Variants in APC observed in about 807,000 individuals in gnomAD.
The protein encoded by APC is APC regulator of Wnt signaling pathway, also known as adenomatous polyposis coli protein.
In APC, 72 loss-of-function variants were observed where a neutral mutation model predicts 247.0. The ratio of observed to expected loss-of-function variants is 0.29; its 90% CI spans 0.24 to 0.35. APC has a LOEUF of 0.35. Ranked by LOEUF, APC falls within the 10% of genes least tolerant of loss-of-function variation. The probability of loss-of-function intolerance (pLI) is 1.00; values close to 1 mark genes in which losing one functional copy is unlikely to be tolerated. For synonymous variants in APC, 1,254 were observed against 1,162.5 expected (o/e 1.08, Z -1.60); for missense variants, 3,400 against 3,360.7 (o/e 1.01, Z -0.29).
intron 8 of APC, among the ~76,000 whole-genome samples, chr5:112,802,702 A>T (rs1030524032): frequency 1.3e-5 from 2 of 152,124 alleles, no homozygotes; most frequent in African/African-American, 4.8e-5. Context: ...CGTTTTTATA[A>T]TCATGATGTA....
chr5:112,787,900 G>A (rs1042904297), intron 6 of APC, among the ~76,000 whole-genome samples: 4 of 152,014 alleles, frequency 2.6e-5, no homozygotes, highest in Non-Finnish European at 4.4e-5. Context: ...GTGGAGGCAG[G>A]AATCTAACTT....
At chr5:112,833,180 ATTT>A (rs35482005) in intron 14 of APC, among the ~76,000 whole-genome samples, 18 of 122,166 alleles carry the variant, frequency 1.5e-4, no homozygotes, top group Admixed American at 1.7e-4. Flanking sequence ...TGCCTGGCTA[ATTT>A]TTTTTTTTTT....
At chr5:112,829,106 A>C (rs111268865) in intron 14 of APC, 134 bp downstream of exon 14, 2 of 685,034 alleles carry the variant, frequency 2.9e-6, no homozygotes, top group Non-Finnish European at 2.6e-6. Context: ...TTTCATGTTT[A>C]GCTTTTTTTG....
chr5:112,771,387 C>G (rs6876867), intron 4 of APC, among the ~76,000 whole-genome samples: 23 of 152,108 alleles, frequency 1.5e-4, no homozygotes, highest in African/African-American at 5.6e-4. Flanking sequence ...GAGCCTGCTA[C>G]AAGACTGTCA....
At chr5:112,770,784 A>C (rs1236843815) in intron 4 of APC, among the ~76,000 whole-genome samples, 1 of 152,100 alleles carries the variant, frequency 6.6e-6, no homozygotes, top group African/African-American at 2.4e-5. Context: ...GATTTGTTAA[A>C]TTCACTCAAT....
intron 2 of APC, among the ~76,000 whole-genome samples, chr5:112,756,614 G>A (rs999464576): frequency 1.3e-5 from 2 of 152,134 alleles, no homozygotes; most frequent in African/African-American, 4.8e-5. Context: ...TGTCTGTTTT[G>A]TAGTGTAGAA....
At chr5:112,828,237 C>A (rs1580570979) in intron 13 of APC, among the ~76,000 whole-genome samples, 1 of 151,986 alleles carries the variant, frequency 6.6e-6, no homozygotes, top group African/African-American at 2.4e-5. Flanking sequence ...TTTCACCACA[C>A]CTGGGCTCAA....
At position 112,842,798 on chromosome 5, in the gene APC, A is replaced by T. The variant is rs587780550; in HGVS notation, c.7204A>T (p.Asn2402Tyr). The change falls in exon 16 of 16, where the codon AAT (asparagine) becomes TAT (tyrosine). Residue 2402 changes from asparagine (N) to tyrosine (Y), a missense_variant. Asn to Tyr is a moderately radical substitution (Grantham distance 143). Transcript: ENST00000257430. ...PRSESASKGL[N>Y]QMNNGNGANK... ...AAGTGAGTCTGCCTCCAAAGGACTA[A>T]ATCAGATGAATAATGGTAATGGAGC... 6.2e-7 allele frequency: 1 copy of T among 1,613,704 alleles called. No homozygotes were observed. Among genetic ancestry groups the T allele is most frequent in the South Asian group, 1.1e-5 (1 of 91,066 alleles).
chr5:112,825,499 C>T (rs1347894610), intron 11 of APC, among the ~76,000 whole-genome samples: 1 of 152,184 alleles, frequency 6.6e-6, no homozygotes, highest in African/African-American at 2.4e-5. Flanking sequence ...GGCCCTTTCA[C>T]ATGCTGTTTC....
At position 112,842,985 on chromosome 5, in the gene APC, C is replaced by CCA; in HGVS notation, c.7391_7392insCA (p.Leu2465IlefsTer21). On this transcript the variant is annotated frameshift_variant, in exon 16 of 16. Coordinates refer to ENST00000257430, the MANE Select transcript of APC (RefSeq NM_000038.6). LOFTEE classifies it high-confidence loss of function. ...TTGGAGGAATCTGCTTCATTTGAAT[C>CCA]TCTTTCTCCATCATCTAGACCAGCT... The CCA allele has an allele frequency of 6.2e-7, 1 of 1,614,084 alleles. No homozygotes were observed. The highest frequency in any genetic ancestry group is 8.5e-7 in the Non-Finnish European group (1 of 1,179,952).
chr5:112,766,875 C>A (rs1039443497), intron 3 of APC, among the ~76,000 whole-genome samples: 5 of 152,118 alleles, frequency 3.3e-5, no homozygotes, highest in Admixed American at 2.0e-4. Flanking sequence ...CTTGAAAATT[C>A]CAGTGTCAGA....
chr5:112,766,530 T>C, intron 3 of APC, 120 bp downstream of exon 3: 1 of 688,266 alleles, frequency 1.5e-6, no homozygotes, highest in Non-Finnish European at 2.6e-6. Flanking sequence ...CTTGGTATGT[T>C]AGCCTTACCC....
At chr5:112,777,099 TTGAAA>T (rs1490618560) in intron 5 of APC, among the ~76,000 whole-genome samples, 2 of 152,208 alleles carry the variant, frequency 1.3e-5, no homozygotes, top group Non-Finnish European at 2.9e-5. Flanking sequence ...TTCATTTAAC[TTGAAA>T]TGTATGACTT....
In APC at chr5:112,842,449, T is replaced by G. The variant is rs1057524550; in HGVS notation, c.6855T>G (p.Val2285=). Residue 2285 remains valine (V), a synonymous_variant, in exon 16 of 16, where the codon GTT becomes GTG. Coordinates refer to ENST00000257430, the MANE Select transcript of APC (RefSeq NM_000038.6). ...KPSVKSELSP[V]ARQTSQIGGS... Reference sequence around the variant, plus strand: ...CTGTGAAATCAGAATTAAGCCCTGTTGCCAGGCAGACATCCCAAATAGGTG... The same window carrying G: ...CTGTGAAATCAGAATTAAGCCCTGTGGCCAGGCAGACATCCCAAATAGGTG... The G allele has an allele frequency of 1.9e-6, 3 of 1,614,070 alleles. No homozygotes were observed. Among genetic ancestry groups the G allele is most frequent in the Non-Finnish European group, 2.5e-6 (3 of 1,179,952 alleles).
chr5:112,777,293 A>T lies in APC; in HGVS notation c.531+1556A>T, dbSNP rs79040504. On this transcript the variant is annotated intron_variant, in intron 5 of 15. Coordinates refer to ENST00000257430, the MANE Select transcript of APC (RefSeq NM_000038.6). ...ATACACACACACACACGAAAAAAAAACAAGTAAGAAACCCAGAATGGTCCT... is the reference window on the plus strand; with the variant it reads ...ATACACACACACACACGAAAAAAAATCAAGTAAGAAACCCAGAATGGTCCT... Among the ~76,000 whole-genome samples the T allele has an allele frequency of 2.6e-5, 4 of 152,152 alleles. No individual in the cohort carries two copies. In the South Asian group the frequency reaches 8.3e-4, roughly 32 times the overall value.
intron 1 of APC, among the ~76,000 whole-genome samples, chr5:112,715,648 T>C (rs77470887): frequency 0.05 from 7,636 of 152,224 alleles, 353 homozygotes; most frequent in East Asian, 0.13. Context: ...TGTGGAAATG[T>C]TTTTTAAAAT....
rs780818655 is a variant in APC at position 112,838,864 on chromosome 5, A to G, written c.3270A>G (p.Gln1090=). 6 of 1,614,040 alleles carry G rather than the reference A, an allele frequency of 3.7e-6. No individual in the cohort carries two copies. In the East Asian group the frequency reaches 6.7e-5, roughly 18 times the overall value. Residue 1090 remains glutamine (Q), a synonymous_variant, in exon 16 of 16, where the codon CAA becomes CAG. Coordinates refer to ENST00000257430, the MANE Select transcript of APC (RefSeq NM_000038.6). ...CTGATGATAAACACCTCAAGTTCCA[A>G]CCACATTTTGGACAGCAGGAATGTG... ...ESTDDKHLKF[Q]PHFGQQECVS... is the part of the protein sequence containing the mutation.
intron 7 of APC, among the ~76,000 whole-genome samples, chr5:112,794,343 A>T (rs1759971600): frequency 6.6e-6 from 1 of 152,182 alleles, no homozygotes; most frequent in Non-Finnish European, 1.5e-5. Flanking sequence ...GGCCTTCCAA[A>T]GTGTGGGATT....
chr5:112,810,234 A>G, intron 8 of APC: 1 of 435,714 alleles, frequency 2.3e-6, no homozygotes, highest in Non-Finnish European at 4.6e-6. Context: ...TCCAGAGCAC[A>G]TCTAAAGGGA....
Sources: gnomAD v4.1 joint callset for allele counts (sites outside exome capture counted in the v4.1 genomes callset) on GRCh38, gnomAD v4.1.1 for gene constraint, MANE v1.5 for transcripts, NCBI Gene and HGNC (gene_info 2026-07-23, HGNC 2026-07-21) for gene names.